The following CEP57L1 variants were observed in gnomAD, a reference collection of about 807,000 sequenced individuals.
CEP57L1 encodes the protein centrosomal protein 57 like 1.
In CEP57L1, 37 loss-of-function variants were observed where a neutral mutation model predicts 61.0. The ratio of observed to expected loss-of-function variants is 0.61; its 90% CI spans 0.47 to 0.80. The LOEUF is 0.80. Among genes scored for constraint, CEP57L1 ranks in the 30% least tolerant of loss-of-function variants. The pLI is 0.00. For missense variants in CEP57L1, 422 were observed against 524.7 expected, an observed-to-expected ratio of 0.80 and a Z score of 1.91; for synonymous variants, 137 against 162.3, an observed-to-expected ratio of 0.84 and a Z score of 1.19.
intron 1 of CEP57L1, among the ~76,000 whole-genome samples, chr6:109,115,571 A>G (rs1772168572): frequency 6.6e-6 from 1 of 152,130 alleles, no homozygotes; most frequent in Non-Finnish European, 1.5e-5. Context: ...TTTGGCTTAA[A>G]TAAATAACGT....
At chr6:109,120,769 T>C (rs1772857165) in intron 1 of CEP57L1, among the ~76,000 whole-genome samples, 1 of 152,164 alleles carries the variant, frequency 6.6e-6, no homozygotes, top group Non-Finnish European at 1.5e-5. Flanking sequence ...ACTATTGTTA[T>C]AAAATGGTTA....
At chr6:109,156,758 G>A (rs890601096) in intron 7 of CEP57L1, 3 of 151,904 alleles carry the variant, frequency 2.0e-5, no homozygotes, top group Admixed American at 6.6e-5. Flanking sequence ...CTTAACTTTG[G>A]CTACTCTTTT....
In CEP57L1 at chr6:109,165,617, T is replaced by C. The variant is rs1163072981; in HGVS notation, c.*2647T>C. On this transcript the variant is annotated 3_prime_UTR_variant, in exon 11 of 11. Coordinates refer to ENST00000517392, the MANE Select transcript of CEP57L1 (RefSeq NM_001271852.3). Reference sequence around the variant, plus strand: ...GGGGGTAAAGAACACAGTCCTGTCATTGTGCTGAAACATGTAACCACACAC... The same window carrying C: ...GGGGGTAAAGAACACAGTCCTGTCACTGTGCTGAAACATGTAACCACACAC... Among the ~76,000 whole-genome samples, 1 of 152,214 alleles carries C rather than the reference T, an allele frequency of 6.6e-6. No homozygotes were observed. Among genetic ancestry groups the C allele is most frequent in the African/African-American group, 2.4e-5 (1 of 41,456 alleles).
At chr6:109,133,639 A>G (rs1774458444) in intron 1 of CEP57L1, among the ~76,000 whole-genome samples, 1 of 152,182 alleles carries the variant, frequency 6.6e-6, no homozygotes, top group African/African-American at 2.4e-5. Flanking sequence ...GGTGTTTTGA[A>G]AAGATCAACA....
chr6:109,163,027 A>C lies in CEP57L1; in HGVS notation c.*57A>C, dbSNP rs955504930. 1.0e-5 allele frequency: 11 copies of C among 1,081,856 alleles called. No individual in the cohort carries two copies. Among genetic ancestry groups the C allele is most frequent in the Non-Finnish European group, 1.4e-5 (10 of 725,676 alleles). 67.0% of individuals were successfully genotyped at this position (1,081,856 alleles called of 1,614,324 possible). A position where few individuals can be genotyped will look rare whatever the true frequency, so the allele number is the denominator to read the frequency against. On this transcript the variant is annotated 3_prime_UTR_variant, in exon 11 of 11. Coordinates refer to ENST00000517392, the MANE Select transcript of CEP57L1 (RefSeq NM_001271852.3). ...TTGTCAGTGAGACCTTGAATTGTCT[A>C]AAGTGGTTTTAATTTAATATAACTT...
intron 4 of CEP57L1, among the ~76,000 whole-genome samples, chr6:109,153,473 A>G (rs1005660478): frequency 9.9e-5 from 15 of 151,584 alleles, no homozygotes; most frequent in African/African-American, 3.6e-4. Flanking sequence ...CTCAAACTCC[A>G]GGGTTCAAGC....
chr6:109,136,986 C>G (rs1770812515), intron 1 of CEP57L1, among the ~76,000 whole-genome samples: 1 of 152,022 alleles, frequency 6.6e-6, no homozygotes, highest in Admixed American at 6.6e-5. Context: ...CCTGGGGTCT[C>G]AAGCAATCCG....
chr6:109,116,511 A>C (rs1006000987), intron 1 of CEP57L1, among the ~76,000 whole-genome samples: 2 of 152,178 alleles, frequency 1.3e-5, no homozygotes, highest in South Asian at 2.1e-4. Context: ...TCTTAACAGT[A>C]GAGTAGACTA....
intron 4 of CEP57L1, among the ~76,000 whole-genome samples, chr6:109,152,200 G>A (rs1772687241): frequency 6.6e-6 from 1 of 151,728 alleles, no homozygotes; most frequent in African/African-American, 2.4e-5. Flanking sequence ...TTTTTTTGGA[G>A]TCAGAGTTTC....
intron 1 of CEP57L1, among the ~76,000 whole-genome samples, chr6:109,112,152 C>T (rs896145005): frequency 1.4e-4 from 22 of 152,158 alleles, no homozygotes; most frequent in African/African-American, 4.3e-4. Context: ...CTCTCTGGTC[C>T]TGGGCTTTTT....
intron 1 of CEP57L1, among the ~76,000 whole-genome samples, chr6:109,123,277 A>G (rs970451146): frequency 3.9e-5 from 6 of 152,094 alleles, no homozygotes; most frequent in African/African-American, 1.4e-4. Flanking sequence ...TCTTTAAACA[A>G]TTCTTGAATG....
chr6:109,136,583 C>A (rs1770724805), intron 1 of CEP57L1, among the ~76,000 whole-genome samples: 1 of 149,892 alleles, frequency 6.7e-6, no homozygotes. Flanking sequence ...AAAAAGATAC[C>A]ATTTTTATCT....
upstream of CEP57L1, chr6:109,095,185 C>G: frequency 1.0e-6 from 1 of 985,562 alleles, no homozygotes; most frequent in Non-Finnish European, 1.2e-6. Context: ...AGGCGCTAAG[C>G]TTGCGCCCTG....
intron 1 of CEP57L1, among the ~76,000 whole-genome samples, chr6:109,136,106 A>T (rs1225154354): frequency 3.9e-5 from 6 of 152,238 alleles, no homozygotes; most frequent in African/African-American, 1.2e-4. Flanking sequence ...CTACAAAGAC[A>T]CATGCACACG....
At chr6:109,104,045 T>C (rs951636180) in intron 1 of CEP57L1, among the ~76,000 whole-genome samples, 1 of 151,398 alleles carries the variant, frequency 6.6e-6, no homozygotes, top group Non-Finnish European at 1.5e-5. Flanking sequence ...TTTTTGTTTT[T>C]TTTTTTTTCA....
At chr6:109,100,672 C>CA (rs539993641) in intron 1 of CEP57L1, among the ~76,000 whole-genome samples, 33,655 of 73,754 alleles carry the variant, frequency 0.46, 6,479 homozygotes, top group African/African-American at 0.52. Flanking sequence ...GAGATTGTCT[C>CA]AAAAAAAAAA....
rs1773155860 is a variant in CEP57L1, at chr6:109,155,778, T to C, written c.658-13T>C. ...ACAAATCAATGTTATAACCTTTTTT[T>C]TAAATATTACAGCTTCAAACTGGAC... On this transcript the variant is annotated splice_polypyrimidine_tract_variant and intron_variant, in intron 6 of 10. Transcript: ENST00000517392. The C allele has an allele frequency of 7.3e-7, 1 of 1,379,308 alleles. No homozygotes were observed. The highest frequency in any genetic ancestry group is 1.2e-5 in the South Asian group (1 of 81,416). The allele number at this position is 1,379,308 out of a possible 1,614,324, so 85.4% of individuals were successfully genotyped here. A position where few individuals can be genotyped will look rare whatever the true frequency, so the allele number is the denominator to read the frequency against.
rs1362501171 is a variant in CEP57L1 at position 109,168,563 on chromosome 6, A to G, written c.*5593A>G. Among the ~76,000 whole-genome samples, 4 of 151,438 alleles carry G rather than the reference A, an allele frequency of 2.6e-5. No homozygotes were observed. In the East Asian group the frequency reaches 7.7e-4, roughly 29 times the overall value. ...CATACAGTCATACCGGTGGATTGTC[A>G]AATCAATTTAGCGGGTCACTACCAG... is the stretch of plus-strand genomic sequence containing the variant. On this transcript the variant is annotated 3_prime_UTR_variant, in exon 11 of 11. Coordinates refer to ENST00000517392, the MANE Select transcript of CEP57L1 (RefSeq NM_001271852.3).
In CEP57L1 at chr6:109,095,559, C is replaced by T; in HGVS notation, c.-20C>T. 1.0e-6 allele frequency: 1 copy of T among 985,902 alleles called. No individual in the cohort carries two copies. The highest frequency in any genetic ancestry group is 1.2e-6 in the Non-Finnish European group (1 of 829,954). The allele number at this position is 985,902 out of a possible 1,614,324, so 61.1% of individuals were successfully genotyped here. On this transcript the variant is annotated 5_prime_UTR_variant, in exon 1 of 11. Coordinates refer to ENST00000517392, the MANE Select transcript of CEP57L1 (RefSeq NM_001271852.3). ...AACGGTTAGCGGTGGCAGGGGCTGA[C>T]TGAGAGCGTCTGCTTGGTAAGCACT...
Sources: gnomAD v4.1 joint callset for allele counts (sites outside exome capture counted in the v4.1 genomes callset) on GRCh38, gnomAD v4.1.1 for gene constraint, MANE v1.5 for transcripts, NCBI Gene and HGNC (gene_info 2026-07-23, HGNC 2026-07-21) for gene names.